ARMH1: variants seen among roughly 807,000 people sequenced by gnomAD.
ARMH1 encodes the protein armadillo like helical domain containing 1.
Under a neutral mutation model 50.2 loss-of-function variants are expected in ARMH1, and 34 were observed. That is an observed-to-expected ratio of 0.68 (90% CI 0.51 to 0.90). The LOEUF (loss-of-function observed/expected upper bound fraction) is 0.90. ARMH1 is among the 40% of genes least tolerant of loss of function. The pLI is 0.00. For synonymous variants in ARMH1, 221 were observed against 224.2 expected (o/e 0.99, Z 0.13); for missense variants, 538 against 553.9 (o/e 0.97, Z 0.29).
chr1:44,703,416 A>G (rs558677828), intron 5 of ARMH1, among the ~76,000 whole-genome samples: 15 of 152,068 alleles, frequency 9.9e-5, no homozygotes, highest in Non-Finnish European at 1.8e-4. Flanking sequence ...TAACAGGTAG[A>G]CAAGATCTAA....
At chr1:44,699,607 G>A (rs181113188) in intron 4 of ARMH1, among the ~76,000 whole-genome samples, 1 of 151,752 alleles carries the variant, frequency 6.6e-6, no homozygotes, top group Admixed American at 6.6e-5. Flanking sequence ...GCGCCACCAT[G>A]CCTGGCTAAT....
At chr1:44,711,389 C>G (rs983450435) in intron 6 of ARMH1, among the ~76,000 whole-genome samples, 2 of 152,212 alleles carry the variant, frequency 1.3e-5, no homozygotes, top group Non-Finnish European at 2.9e-5. Context: ...TTATAGCCAT[C>G]TTAGTGGATG....
rs1302182657 is a variant in ARMH1 at position 44,689,695 on chromosome 1, A to C, written c.-3A>C. ...CTGTAGCCAACTTCAGGACTGATTG[A>C]TCATGACTTCTATAAAGGAGCAGGC... On this transcript the variant is annotated 5_prime_UTR_variant, in exon 2 of 12. Coordinates refer to ENST00000535358, the MANE Select transcript of ARMH1 (RefSeq NM_001145636.2). The C allele has an allele frequency of 6.4e-7, 1 of 1,551,866 alleles. No homozygotes were observed. Among genetic ancestry groups the C allele is most frequent in the Non-Finnish European group, 8.7e-7 (1 of 1,147,012 alleles).
rs760531437 is a variant in ARMH1, at chr1:44,724,726, C to A, written c.1051-36C>A. ...GGCGGCGGCACCCGCAGCCCCGTCG[C>A]CCCCGCAGTCACGCCGCCTCGCCCG... On this transcript the variant is annotated intron_variant, in intron 9 of 11. Coordinates refer to ENST00000535358, the MANE Select transcript of ARMH1 (RefSeq NM_001145636.2). The surrounding 1 kb of genome is among the most constrained non-coding windows in gnomAD (Gnocchi z 6.4). 1.1e-5 allele frequency: 16 copies of A among 1,508,894 alleles called. 1 individual carries two copies. The South Asian group carries it at 2.0e-4, about 19-fold the overall frequency. 93.5% of individuals were successfully genotyped at this position (1,508,894 alleles called of 1,614,324 possible).
intron 6 of ARMH1, among the ~76,000 whole-genome samples, chr1:44,715,961 G>A (rs1295261075): frequency 1.3e-5 from 2 of 152,236 alleles, no homozygotes; most frequent in South Asian, 2.1e-4. Context: ...GCCCCACAGA[G>A]CATCCTCTCA....
At chr1:44,714,375 C>A (rs977361885) in intron 6 of ARMH1, among the ~76,000 whole-genome samples, 1 of 151,316 alleles carries the variant, frequency 6.6e-6, no homozygotes, top group Non-Finnish European at 1.5e-5. Context: ...CACCTGAGGT[C>A]GGAAGTTCGA....
intron 1 of ARMH1, among the ~76,000 whole-genome samples, chr1:44,680,579 G>A (rs1645275245): frequency 6.6e-6 from 1 of 152,228 alleles, no homozygotes; most frequent in African/African-American, 2.4e-5. Context: ...AGTAGGAAGG[G>A]TAGAAGCTTA....
rs577285435 is a variant in ARMH1 at position 44,687,604 on chromosome 1, C to T, written c.-22-2072C>T. Among the ~76,000 whole-genome samples, 15 of 152,240 alleles carry T rather than the reference C, an allele frequency of 9.9e-5. No individual in the cohort carries two copies. The South Asian group carries it at 2.7e-3, about 27-fold the overall frequency. Reference sequence around the variant, plus strand: ...AAAATAGCAAGTGGCGGAGCTGAGCCTTGAACCCAGTCTGACTCCAGATCT... The same window carrying T: ...AAAATAGCAAGTGGCGGAGCTGAGCTTTGAACCCAGTCTGACTCCAGATCT... On this transcript the variant is annotated intron_variant, in intron 1 of 11. Coordinates refer to ENST00000535358, the MANE Select transcript of ARMH1 (RefSeq NM_001145636.2).
At chr1:44,718,599 C>A (rs1646946348) in intron 6 of ARMH1, among the ~76,000 whole-genome samples, 1 of 152,182 alleles carries the variant, frequency 6.6e-6, no homozygotes, top group Non-Finnish European at 1.5e-5. Flanking sequence ...TGTTGCTGGG[C>A]CTTTGATTCC....
chr1:44,717,802 T>C (rs1436159449), intron 6 of ARMH1, among the ~76,000 whole-genome samples: 1 of 152,272 alleles, frequency 6.6e-6, no homozygotes, highest in Non-Finnish European at 1.5e-5. Context: ...CTGCCAAAGA[T>C]AGTCTTTTGT....
chr1:44,720,081 T>C (rs1027568934), intron 6 of ARMH1, among the ~76,000 whole-genome samples: 4 of 151,392 alleles, frequency 2.6e-5, no homozygotes, highest in African/African-American at 4.9e-5. Flanking sequence ...CCTATAATCC[T>C]AGCTACTTGG....
chr1:44,689,707 A>C lies in ARMH1; in HGVS notation c.10A>C (p.Ile4Leu), dbSNP rs1033848163. 1.3e-6 allele frequency: 2 copies of C among 1,551,988 alleles called. No individual in the cohort carries two copies. Among genetic ancestry groups the C allele is most frequent in the Non-Finnish European group, 1.7e-6 (2 of 1,147,040 alleles). The change falls in exon 2 of 12, where the codon ATA (isoleucine) becomes CTA (leucine). Residue 4 changes from isoleucine to leucine, a missense_variant. Coordinates refer to ENST00000535358, the MANE Select transcript of ARMH1 (RefSeq NM_001145636.2). ...TCAGGACTGATTGATCATGACTTCT[A>C]TAAAGGAGCAGGCAGCAATTAGCAG... MTS[I>L]KEQAAISRLL...
At position 44,699,412 on chromosome 1, in the gene ARMH1, C is replaced by T. The variant is rs751173709; in HGVS notation, c.442+1183C>T. Among the ~76,000 whole-genome samples the T allele has an allele frequency of 4.6e-5, 7 of 151,882 alleles. No homozygotes were observed. The South Asian group carries it at 6.2e-4, about 14-fold the overall frequency. ...ATACAATATAATCCCTGTCCTCAGACAGTTTAGAGTCTGGTGAGAAAAGTA... is the reference window on the plus strand; with the variant it reads ...ATACAATATAATCCCTGTCCTCAGATAGTTTAGAGTCTGGTGAGAAAAGTA... On this transcript the variant is annotated intron_variant, in intron 4 of 11. Coordinates refer to ENST00000535358, the MANE Select transcript of ARMH1 (RefSeq NM_001145636.2).
chr1:44,689,878 C>G lies in ARMH1; in HGVS notation c.181C>G (p.Arg61Gly), dbSNP rs1370040813. ...FSQGASLFLV[R>G]LTTSLRITYM... is the part of the protein sequence containing the mutation. The stretch of plus-strand genomic sequence containing the variant: ...CCAGGGAGCCAGTTTGTTCCTGGTA[C>G]GCTTGACCACCTCGCTTAGAATCAC... Residue 61 changes from arginine to glycine, a missense_variant, in exon 2 of 12, where the codon CGC (arginine) becomes GGC (glycine). By Grantham distance (125) the Arg-to-Gly change is moderately radical. Transcript: ENST00000535358. 5.2e-6 allele frequency: 8 copies of G among 1,550,756 alleles called. No homozygotes were observed. Among genetic ancestry groups the G allele is most frequent in the Non-Finnish European group, 5.2e-6 (6 of 1,146,918 alleles).
chr1:44,724,026 G>A lies in ARMH1; in HGVS notation c.725-96G>A, dbSNP rs981221620. On this transcript the variant is annotated intron_variant, in intron 6 of 11. Coordinates refer to ENST00000535358, the MANE Select transcript of ARMH1 (RefSeq NM_001145636.2). This position sits in a 1 kb window ranked among gnomAD's most constrained non-coding sequence, Gnocchi z 6.4. Reference sequence around the variant, plus strand: ...ACAGTGCTGATCAGTAAAAGAGGAGGACACTGACGAGTGGCGACTTGGTTC... The same window carrying A: ...ACAGTGCTGATCAGTAAAAGAGGAGAACACTGACGAGTGGCGACTTGGTTC... 5.4e-5 allele frequency: 78 copies of A among 1,446,820 alleles called. No homozygotes were observed. The highest frequency in any genetic ancestry group is 3.2e-4 in the Admixed American group (14 of 43,936). 89.6% of individuals were successfully genotyped at this position (1,446,820 alleles called of 1,614,324 possible).
chr1:44,701,162 A>C, intron 5 of ARMH1, 43 bp downstream of exon 5: 1 of 1,489,416 alleles, frequency 6.7e-7, no homozygotes, highest in African/African-American at 1.4e-5. Flanking sequence ...ATTCAGATGC[A>C]ATAATCTTAC....
At chr1:44,721,256 G>GA (rs1647103582) in intron 6 of ARMH1, among the ~76,000 whole-genome samples, 1 of 152,044 alleles carries the variant, frequency 6.6e-6, no homozygotes, top group East Asian at 1.9e-4. Context: ...GTTGAATGTG[G>GA]ACAAAGGTAG....
Position 44,698,184 on chromosome 1 carries a change from G to A in ARMH1, c.397G>A (p.Ala133Thr). ...ATCTGTCAAACTACTTCAGGTTATTGCGAACTCTGGCAGGACATACAAGGA... is the reference window on the plus strand; with the variant it reads ...ATCTGTCAAACTACTTCAGGTTATTACGAACTCTGGCAGGACATACAAGGA... ...KESVKLLQVIANSGRTYKELI... is the reference protein window; with the variant it reads ...KESVKLLQVITNSGRTYKELI... Residue 133 changes from alanine (A) to threonine (T), a missense_variant, in exon 4 of 12, where the codon GCG becomes ACG. Ala to Thr is a moderately conservative substitution (Grantham distance 58, BLOSUM62 0). Coordinates refer to ENST00000535358, the MANE Select transcript of ARMH1 (RefSeq NM_001145636.2). The A allele has an allele frequency of 1.9e-6, 3 of 1,552,340 alleles. No individual in the cohort carries two copies. Among genetic ancestry groups the A allele is most frequent in the Non-Finnish European group, 2.6e-6 (3 of 1,147,100 alleles).
chr1:44,723,364 C>T (rs1371092021), intron 6 of ARMH1, among the ~76,000 whole-genome samples: 2 of 152,162 alleles, frequency 1.3e-5, no homozygotes, highest in Admixed American at 6.5e-5. Flanking sequence ...CGTTCACATG[C>T]AGCCGTGCCG....
Sources: gnomAD v4.1 joint callset for allele counts (sites outside exome capture counted in the v4.1 genomes callset) on GRCh38, gnomAD v4.1.1 for gene constraint, Gnocchi (gnomAD v3.1) non-coding constraint, MANE v1.5 for transcripts, NCBI Gene and HGNC (gene_info 2026-07-23, HGNC 2026-07-21) for gene names.